The following SLCO3A1 variants were observed in gnomAD, a reference collection of about 807,000 sequenced individuals.
The protein encoded by SLCO3A1 is solute carrier organic anion transporter family member 3A1.
In SLCO3A1, 27 loss-of-function variants were observed where a neutral mutation model predicts 63.1. That is an observed-to-expected ratio of 0.43 (90% CI 0.32 to 0.59). SLCO3A1 has a LOEUF of 0.59. SLCO3A1 is among the 20% of genes least tolerant of loss of function. The probability of loss-of-function intolerance (pLI) is 0.09; values close to 1 mark genes in which losing one functional copy is unlikely to be tolerated. For missense variants in SLCO3A1, 773 were observed against 945.8 expected, an observed-to-expected ratio of 0.82 and a Z score of 2.40; for synonymous variants, 473 against 409.9, an observed-to-expected ratio of 1.15 and a Z score of -1.86.
intron 2 of SLCO3A1, among the ~76,000 whole-genome samples, chr15:91,944,016 G>T (rs183978211): frequency 6.6e-6 from 1 of 152,236 alleles, no homozygotes; most frequent in East Asian, 1.9e-4. Flanking sequence ...GGAAACTTTT[G>T]AGCGTGCCAT....
At chr15:92,104,205 A>T in intron 3 of SLCO3A1, 74 bp from the exon 4 acceptor site, 1 of 1,543,052 alleles carries the variant, frequency 6.5e-7, no homozygotes, top group South Asian at 1.2e-5. Flanking sequence ...TGTTCAGCGG[A>T]TTCAGATTCT....
At chr15:92,120,662 G>C in intron 5 of SLCO3A1, 33 bp downstream of exon 5, 1 of 1,601,466 alleles carries the variant, frequency 6.2e-7, no homozygotes, top group Non-Finnish European at 8.5e-7. Context: ...TGAGAGGGTC[G>C]GGGGAGGGTG....
Position 91,930,110 on chromosome 15 carries a change from G to C in SLCO3A1, c.646+13652G>C, listed in dbSNP as rs72751977. On this transcript the variant is annotated intron_variant, in intron 2 of 9. Coordinates refer to ENST00000318445, the MANE Select transcript of SLCO3A1 (RefSeq NM_013272.4). The stretch of plus-strand genomic sequence containing the variant: ...AATTCATCTCTTTAATTTTCTCCCA[G>C]GTTTGCCTTATTGACCAGCCTTGTC... Among the ~76,000 whole-genome samples, 1,437 of 152,136 alleles carry C rather than the reference G, an allele frequency of 9.4e-3. 14 individuals carry two copies. The highest frequency in any genetic ancestry group is 0.016 in the Non-Finnish European group (1,063 of 67,998).
chr15:91,977,966 G>A (rs565344016), intron 2 of SLCO3A1, among the ~76,000 whole-genome samples: 1 of 152,290 alleles, frequency 6.6e-6, no homozygotes, highest in Non-Finnish European at 1.5e-5. Flanking sequence ...CATGGGTCCA[G>A]GCACTGAGTA....
intron 7 of SLCO3A1, among the ~76,000 whole-genome samples, chr15:92,136,408 T>C (rs1016564564): frequency 1.3e-5 from 2 of 152,260 alleles, no homozygotes; most frequent in Non-Finnish European, 2.9e-5. Context: ...TATCTTGTTC[T>C]TGTAATACCG....
At chr15:92,109,319 T>C (rs2047701882) in intron 4 of SLCO3A1, among the ~76,000 whole-genome samples, 1 of 152,182 alleles carries the variant, frequency 6.6e-6, no homozygotes, top group Non-Finnish European at 1.5e-5. Flanking sequence ...ACGGACACTC[T>C]CTTAAAGAAT....
chr15:91,974,265 G>GTTGTTGTTGTTATTATTATTA (rs147991710), intron 2 of SLCO3A1, among the ~76,000 whole-genome samples: 4,985 of 142,862 alleles, frequency 0.035, 139 homozygotes, highest in East Asian at 0.12. Context: ...TTTCATTATT[G>GTTGTTGTTGTTATTATTATTA]TTATTATTAT....
intron 1 of SLCO3A1, among the ~76,000 whole-genome samples, chr15:91,864,319 G>A (rs1049793449): frequency 7.9e-5 from 12 of 152,114 alleles, no homozygotes; most frequent in Admixed American, 4.6e-4. Context: ...CCCACCCTCC[G>A]GAGCCAGCTC....
At chr15:91,904,766 T>G (rs546554503) in intron 1 of SLCO3A1, among the ~76,000 whole-genome samples, 1 of 152,348 alleles carries the variant, frequency 6.6e-6, no homozygotes, top group Non-Finnish European at 1.5e-5. Context: ...GATGCTATTT[T>G]GTTCTGACCT....
Position 91,990,004 on chromosome 15 carries a change from T to A in SLCO3A1, c.646+73546T>A, listed in dbSNP as rs554829031. Among the ~76,000 whole-genome samples, 3 of 152,346 alleles carry A rather than the reference T, an allele frequency of 2.0e-5. No individual in the cohort carries two copies. In the East Asian group the frequency reaches 5.8e-4, roughly 29 times the overall value. ...GAATATTTCAAAATCCACTGTCAGATGACCCATGAGCTCAGTCCATGTAGT... is the reference window on the plus strand; with the variant it reads ...GAATATTTCAAAATCCACTGTCAGAAGACCCATGAGCTCAGTCCATGTAGT... On this transcript the variant is annotated intron_variant, in intron 2 of 9. Transcript: ENST00000318445.
Position 91,856,176 on chromosome 15 carries a change from A to C in SLCO3A1, c.180+2088A>C, listed in dbSNP as rs1005556579. ...GGAATTCGGTCCACCTGGTGGCGGC[A>C]TCCTGGCACTTCTAGCCTTCGCTGA... On this transcript the variant is annotated intron_variant, in intron 1 of 9. Transcript: ENST00000318445. The surrounding 1 kb of genome is among the most constrained non-coding windows in gnomAD (Gnocchi z 4.9). 1.3e-5 allele frequency among the ~76,000 whole-genome samples: 2 copies of C among 152,088 alleles called. No individual in the cohort carries two copies. Among genetic ancestry groups the C allele is most frequent in the African/African-American group, 4.8e-5 (2 of 41,396 alleles).
At chr15:91,879,430 T>G (rs944666946) in intron 1 of SLCO3A1, among the ~76,000 whole-genome samples, 14 of 152,308 alleles carry the variant, frequency 9.2e-5, no homozygotes, top group African/African-American at 3.4e-4. Flanking sequence ...AAAATCATTT[T>G]ATTTAATGGG....
chr15:91,907,724 C>G (rs2151374368), intron 1 of SLCO3A1, among the ~76,000 whole-genome samples: 1 of 152,080 alleles, frequency 6.6e-6, no homozygotes, highest in South Asian at 2.1e-4. Flanking sequence ...CGGGGTTTCA[C>G]CATATTGGTC....
intron 2 of SLCO3A1, among the ~76,000 whole-genome samples, chr15:91,970,879 G>A (rs954650748): frequency 6.6e-6 from 1 of 152,136 alleles, no homozygotes; most frequent in Admixed American, 6.5e-5. Context: ...GATGAAGGGT[G>A]TGTGTGTTTG....
At position 91,883,257 on chromosome 15, in the gene SLCO3A1, A is replaced by T. The variant is rs563701627; in HGVS notation, c.180+29169A>T. Among the ~76,000 whole-genome samples the T allele has an allele frequency of 6.6e-6, 1 of 152,272 alleles. No individual in the cohort carries two copies. The highest frequency in any genetic ancestry group is 1.9e-4 in the East Asian group (1 of 5,164). On this transcript the variant is annotated intron_variant, in intron 1 of 9. Transcript: ENST00000318445. The surrounding 1 kb of genome is among the most constrained non-coding windows in gnomAD (Gnocchi z 4.8). ...AGGTGCCCAGGAGTCTTCCTGTGTGAAGTCAGCTTGTTTGGAGAGTGAAGA... is the reference window on the plus strand; with the variant it reads ...AGGTGCCCAGGAGTCTTCCTGTGTGTAGTCAGCTTGTTTGGAGAGTGAAGA...
intron 2 of SLCO3A1, among the ~76,000 whole-genome samples, chr15:92,058,912 C>G (rs2047053560): frequency 1.3e-5 from 2 of 152,202 alleles, no homozygotes; most frequent in Admixed American, 1.3e-4. Context: ...GTGCCTGTGT[C>G]TTTCTCTCCT....
intron 7 of SLCO3A1, among the ~76,000 whole-genome samples, chr15:92,145,664 C>T (rs1436528223): frequency 6.6e-6 from 1 of 152,122 alleles, no homozygotes; most frequent in Admixed American, 6.5e-5. Context: ...GCTAAAAAGT[C>T]TCTAGGCAGA....
intron 2 of SLCO3A1, among the ~76,000 whole-genome samples, chr15:92,037,770 G>C (rs560596392): frequency 1.3e-5 from 2 of 152,280 alleles, no homozygotes; most frequent in South Asian, 2.1e-4. Flanking sequence ...GTTCATTCAG[G>C]AACTAGAATA....
rs74343708 is a variant in SLCO3A1 at position 92,074,916 on chromosome 15, G to A, written c.647-19965G>A. On this transcript the variant is annotated intron_variant, in intron 2 of 9. Transcript: ENST00000318445. ...CGTGGCATAGAGCCAACAGTGAGGT[G>A]GATTCCGGGTCCTCTGGATGCCTGG... Among the ~76,000 whole-genome samples, 638 of 152,294 alleles carry A rather than the reference G, an allele frequency of 4.2e-3. 5 individuals are homozygous for A. Among genetic ancestry groups the A allele is most frequent in the African/African-American group, 0.014 (576 of 41,560 alleles).
Sources: allele counts gnomAD v4.1 joint callset (sites outside exome capture counted in the v4.1 genomes callset), GRCh38; gene constraint gnomAD v4.1.1; non-coding constraint Gnocchi (gnomAD v3.1); transcripts MANE v1.5; gene names NCBI Gene and HGNC (gene_info 2026-07-23, HGNC 2026-07-21).